COG2: variants seen among roughly 807,000 people sequenced by gnomAD.
COG2 encodes conserved oligomeric Golgi complex subunit 2.
Under a neutral mutation model 90.6 loss-of-function variants are expected in COG2, and 52 were observed. The observed-to-expected ratio is 0.57, with a 90% CI of 0.46 to 0.72. COG2 has a LOEUF of 0.72. Ranked by LOEUF, COG2 falls within the 30% of genes least tolerant of loss-of-function variation. The pLI, the probability that COG2 is intolerant of heterozygous loss-of-function variation, is 0.00. For synonymous variants in COG2, 337 were observed against 320.4 expected (o/e 1.05, Z -0.55); for missense variants, 829 against 891.2 (o/e 0.93, Z 0.89).
chr1:230,643,009 C>T (rs1661667156), intron 1 of COG2: 1 of 294,680 alleles, frequency 3.4e-6, no homozygotes, highest in South Asian at 8.1e-5. Context: ...CGGAAAGAAG[C>T]TTGTGGACCG....
intron 1 of COG2, among the ~76,000 whole-genome samples, chr1:230,654,823 G>A (rs1662010671): frequency 6.6e-6 from 1 of 152,160 alleles, no homozygotes; most frequent in African/African-American, 2.4e-5. Context: ...TCCCTTGTAA[G>A]TTGTATTCCT....
chr1:230,668,064 A>C (rs902984765), intron 5 of COG2, among the ~76,000 whole-genome samples: 1 of 152,170 alleles, frequency 6.6e-6, no homozygotes, highest in South Asian at 2.1e-4. Context: ...TTACTATTTA[A>C]ATTTAAAATA....
At chr1:230,688,230 T>G (rs2102774082) in intron 14 of COG2, 87 bp downstream of exon 14, 1 of 1,215,766 alleles carries the variant, frequency 8.2e-7, no homozygotes, top group Non-Finnish European at 1.2e-6. Context: ...ATTTAACATT[T>G]TCTTCTGTAG....
At chr1:230,648,302 G>T (rs1284768680) in intron 1 of COG2, among the ~76,000 whole-genome samples, 1 of 152,244 alleles carries the variant, frequency 6.6e-6, no homozygotes, top group African/African-American at 2.4e-5. Context: ...GCCCAGTGTT[G>T]CTGAGTGCCG....
At chr1:230,652,267 T>C (rs951008883) in intron 1 of COG2, among the ~76,000 whole-genome samples, 2 of 152,156 alleles carry the variant, frequency 1.3e-5, no homozygotes, top group African/African-American at 4.8e-5. Flanking sequence ...AGTTTTGCCA[T>C]TTCCTGAATA....
chr1:230,657,957 G>A (rs1426055425), intron 1 of COG2, among the ~76,000 whole-genome samples: 1 of 152,030 alleles, frequency 6.6e-6, no homozygotes, highest in Non-Finnish European at 1.5e-5. Context: ...ATTCTAGTTA[G>A]CAATTCATCT....
At chr1:230,673,240 T>C (rs563356886) in intron 8 of COG2, among the ~76,000 whole-genome samples, 2 of 152,326 alleles carry the variant, frequency 1.3e-5, no homozygotes, top group East Asian at 1.9e-4. Context: ...GGGGAATTCA[T>C]GTAGAAGGCT....
At chr1:230,648,479 C>T (rs188270364) in intron 1 of COG2, among the ~76,000 whole-genome samples, 38 of 152,340 alleles carry the variant, frequency 2.5e-4, no homozygotes, top group Non-Finnish European at 4.3e-4. Context: ...TAATTACCCA[C>T]ATGTGGAGCG....
chr1:230,668,156 T>C (rs1033670927), intron 5 of COG2, among the ~76,000 whole-genome samples: 1 of 151,962 alleles, frequency 6.6e-6, no homozygotes, highest in Non-Finnish European at 1.5e-5. Flanking sequence ...TTTAGAAATA[T>C]CTAGAGGTAT....
At position 230,688,424 on chromosome 1, in the gene COG2, C is replaced by T. The variant is rs779364006; in HGVS notation, c.1656C>T (p.Ala552=). Residue 552 remains alanine (A), a synonymous_variant, in exon 15 of 18, where the codon GCC becomes GCT. Transcript: ENST00000366669. The part of the protein sequence containing the change: ...GFKNFSSISA[A]LEDSQSSFSA... ...TCCAGTCTTTAATCTCAACAGCAGCCCTGGAGGACTCCCAGAGCTCTTTTT... is the reference window on the plus strand; with the variant it reads ...TCCAGTCTTTAATCTCAACAGCAGCTCTGGAGGACTCCCAGAGCTCTTTTT... The T allele has an allele frequency of 1.2e-6, 2 of 1,613,726 alleles. No individual in the cohort carries two copies. The highest frequency in any genetic ancestry group is 3.3e-5 in the Admixed American group (2 of 60,016).
rs139244615 is a variant in COG2 at position 230,655,345 on chromosome 1, A to G, written c.73-4119A>G. 8.5e-3 allele frequency among the ~76,000 whole-genome samples: 1,294 copies of G among 152,252 alleles called. 13 individuals carry two copies. Among genetic ancestry groups the G allele is most frequent in the African/African-American group, 0.027 (1,133 of 41,544 alleles). ...TTTGACAAAGGCCTTTTCTGCATCT[A>G]TTGAGTTAATCTTGTGGTTTTTATC... On this transcript the variant is annotated intron_variant, in intron 1 of 17. Coordinates refer to ENST00000366669, the MANE Select transcript of COG2 (RefSeq NM_007357.3).
At chr1:230,674,654 A>G (rs555477522) in intron 8 of COG2, among the ~76,000 whole-genome samples, 1 of 152,308 alleles carries the variant, frequency 6.6e-6, no homozygotes, top group African/African-American at 2.4e-5. Flanking sequence ...TTCCTGTGGT[A>G]TTAGACTACT....
intron 14 of COG2, 134 bp downstream of exon 14, chr1:230,688,277 A>G (rs1662933739): frequency 8.0e-7 from 1 of 1,255,346 alleles, no homozygotes. Flanking sequence ...TCTGTATTAT[A>G]ACTTACCTAA....
At chr1:230,676,419 A>C (rs948592891) in intron 9 of COG2, among the ~76,000 whole-genome samples, 2 of 152,158 alleles carry the variant, frequency 1.3e-5, no homozygotes, top group Admixed American at 1.3e-4. Flanking sequence ...ATGGAATCTA[A>C]AGTTGATTTA....
At chr1:230,660,362 GTTA>G (rs1461951427) in intron 2 of COG2, among the ~76,000 whole-genome samples, 1 of 152,058 alleles carries the variant, frequency 6.6e-6, no homozygotes. Context: ...TTTCTCAAGG[GTTA>G]TAATGGTTAG....
At chr1:230,646,541 C>G (rs1661780957) in intron 1 of COG2, among the ~76,000 whole-genome samples, 1 of 152,140 alleles carries the variant, frequency 6.6e-6, no homozygotes, top group Admixed American at 6.5e-5. Flanking sequence ...CTTCATGCAG[C>G]TTCAATGACC....
At chr1:230,659,108 AT>A (rs1439363680) in intron 1 of COG2, among the ~76,000 whole-genome samples, 1 of 152,200 alleles carries the variant, frequency 6.6e-6, no homozygotes, top group Non-Finnish European at 1.5e-5. Context: ...TTTTAATATA[AT>A]TCTTTGTTGT....
intron 8 of COG2, 46 bp from the exon 9 acceptor site, chr1:230,674,952 A>T (rs773457750): frequency 2.2e-5 from 32 of 1,470,068 alleles, no homozygotes; most frequent in Admixed American, 1.0e-4. Flanking sequence ...TGCTCTTTGT[A>T]AGTAGATTAT....
chr1:230,685,025 A>G, intron 11 of COG2, 60 bp from the exon 12 acceptor site: 1 of 1,572,212 alleles, frequency 6.4e-7, no homozygotes, highest in Non-Finnish European at 8.7e-7. Flanking sequence ...CTCACATTAG[A>G]CTATAGCCTA....
Sources: allele counts gnomAD v4.1 joint callset (sites outside exome capture counted in the v4.1 genomes callset), GRCh38; gene constraint gnomAD v4.1.1; transcripts MANE v1.5; gene names NCBI Gene and HGNC (gene_info 2026-07-23, HGNC 2026-07-21).